Variants in TBC1D8B observed in about 807,000 individuals in gnomAD.
TBC1D8B encodes the protein TBC1 domain family member 8B.
In TBC1D8B, 75 loss-of-function variants were observed where a neutral mutation model predicts 82.9. That is an observed-to-expected ratio of 0.90 (90% CI 0.75 to 1.10). The LOEUF is 1.10. Ranked by LOEUF, TBC1D8B falls within the 50% of genes least tolerant of loss-of-function variation. The pLI is 0.00. For synonymous variants in TBC1D8B, 276 were observed against 276.8 expected (o/e 1.00, Z 0.03); for missense variants, 794 against 796.9 (o/e 1.00, Z 0.04).
intron 10 of TBC1D8B, among the ~76,000 whole-genome samples, chrX:106,845,633 T>C (rs1255621748): frequency 9.0e-6 from 1 of 111,509 alleles, no homozygotes; most frequent in African/African-American, 3.3e-5. Context: ...TAGCTGGAGA[T>C]AAGAGCTTAG....
intron 10 of TBC1D8B, among the ~76,000 whole-genome samples, chrX:106,847,399 A>G (rs1014334961): frequency 1.8e-5 from 2 of 111,926 alleles, no homozygotes; most frequent in African/African-American, 3.2e-5. Flanking sequence ...GCAGAAAAAT[A>G]TATCAACTTG....
chrX:106,818,560 A>G lies in TBC1D8B; in HGVS notation c.131-103A>G, dbSNP rs12009983. 2,300 of 539,957 alleles carry G rather than the reference A, an allele frequency of 4.3e-3. 47 individuals are homozygous for G. The African/African-American group carries it at 0.05, about 12-fold the overall frequency. 44.5% of individuals were successfully genotyped at this position (539,957 alleles called of 1,213,427 possible). On this transcript the variant is annotated intron_variant, in intron 1 of 20. Transcript: ENST00000357242. ...AATCTCTGTAAGGACTCTATGGGCT[A>G]GAAAAGTTTTAAAATAAATTTATTA...
Position 106,836,874 on chromosome X carries a change from A to C in TBC1D8B, c.1204-2434A>C, listed in dbSNP as rs938002291. The stretch of plus-strand genomic sequence containing the variant: ...CAATGTAATATAGTTGAGACTCTAG[A>C]AATACATTCTTACATTTATGGTCAG... On this transcript the variant is annotated intron_variant, in intron 7 of 20. Transcript: ENST00000357242. Among the ~76,000 whole-genome samples, 3 of 111,827 alleles carry C rather than the reference A, an allele frequency of 2.7e-5. No homozygotes were observed. In the Admixed American group the frequency reaches 2.9e-4, roughly 11 times the overall value.
intron 11 of TBC1D8B, 199 bp from the exon 12 acceptor site, chrX:106,849,814 TAAATAACTCTTC>T: frequency 1.0e-5 from 10 of 996,568 alleles, no homozygotes; most frequent in Non-Finnish European, 1.3e-5. Flanking sequence ...AAAGACTCAA[TAAATAACTCTTC>T]AAATGAATTT....
chrX:106,840,973 A>G, intron 10 of TBC1D8B, 89 bp downstream of exon 10: 2 of 814,637 alleles, frequency 2.5e-6, no homozygotes, highest in Non-Finnish European at 3.6e-6. Context: ...TGGCGATTAT[A>G]AGGAAAGAGA....
Position 106,823,263 on chromosome X carries a change from T to C in TBC1D8B, c.624T>C (p.Leu208=). 1 of 1,208,829 alleles carries C rather than the reference T, an allele frequency of 8.3e-7. No homozygotes were observed. Among genetic ancestry groups the C allele is most frequent in the African/African-American group, 1.7e-5 (1 of 57,737 alleles). Residue 208 remains leucine (L), a synonymous_variant, in exon 5 of 21, where the codon CTT becomes CTC. Coordinates refer to ENST00000357242, the MANE Select transcript of TBC1D8B (RefSeq NM_017752.3). ...TCTCCTGGGATGAAGTCTCAAAACTTGAAAAGACTTCAAATGTCATACTGA... is the reference window on the plus strand; with the variant it reads ...TCTCCTGGGATGAAGTCTCAAAACTCGAAAAGACTTCAAATGTCATACTGA... The part of the protein sequence containing the change: ...LIISWDEVSK[L]EKTSNVILTE...
chrX:106,856,466 G>T (rs2147766154), intron 14 of TBC1D8B, among the ~76,000 whole-genome samples: 2 of 110,171 alleles, frequency 1.8e-5, no homozygotes, highest in Admixed American at 1.9e-4. Flanking sequence ...TATAGTACTG[G>T]TATTGCTTTT....
At chrX:106,860,340 G>GGTGTGTGTGTGTGT (rs3078333) in intron 14 of TBC1D8B, among the ~76,000 whole-genome samples, 7 of 82,786 alleles carry the variant, frequency 8.5e-5, no homozygotes, top group Non-Finnish European at 1.4e-4. Flanking sequence ...TTTTATGATT[G>GGTGTGTGTGTGTGT]GTGTGTGTGT....
In TBC1D8B at chrX:106,873,912, G is replaced by T. The variant is rs1932868931; in HGVS notation, c.3310G>T (p.Ala1104Ser). 1 of 1,204,198 alleles carries T rather than the reference G, an allele frequency of 8.3e-7. No homozygotes were observed. The highest frequency in any genetic ancestry group is 3.0e-5 in the East Asian group (1 of 33,791). ...TTTTGAGAAACCCATAGATGTAAAA[G>T]CCAAGCTGGAAAATGCAAGAATTTC... ...RFFEKPIDVK[A>S]KLENARISQL... is the part of the protein sequence containing the mutation. Residue 1104 changes from alanine to serine, a missense_variant, in exon 21 of 21, where the codon GCC (alanine) becomes TCC (serine). By Grantham distance (99) the Ala-to-Ser change is moderately conservative. Transcript: ENST00000357242.
Position 106,823,305 on chromosome X carries a change from G to A in TBC1D8B, c.666G>A (p.Val222=), listed in dbSNP as rs1931747466. The A allele has an allele frequency of 2.5e-6, 3 of 1,210,083 alleles. No individual in the cohort carries two copies. In the East Asian group the frequency reaches 8.9e-5, roughly 36 times the overall value. Residue 222 remains valine, a synonymous_variant, in exon 5 of 21, where the codon GTG becomes GTA. Transcript: ENST00000357242. ...SNVILTESIH[V]CSQGENHYFS... Reference sequence around the variant, plus strand: ...TCATACTGACAGAGAGTATTCACGTGTGTTCCCAAGGAGAGAATCACTACT... The same window carrying A: ...TCATACTGACAGAGAGTATTCACGTATGTTCCCAAGGAGAGAATCACTACT...
chrX:106,848,316 C>CCA lies in TBC1D8B; in HGVS notation c.1837+24_1837+25dup, dbSNP rs1330458625. The CCA allele has an allele frequency of 5.5e-6, 6 of 1,081,204 alleles. No individual in the cohort carries two copies. The highest frequency in any genetic ancestry group is 3.7e-5 in the African/African-American group (2 of 54,725). 89.1% of individuals were successfully genotyped at this position (1,081,204 alleles called of 1,213,427 possible). A position where few individuals can be genotyped will look rare whatever the true frequency, so the allele number is the denominator to read the frequency against. ...CGTCGAATTATTGGTAAAAGAAAAA[C>CCA]CACACACACACATATGCATACACAC... On this transcript the variant is annotated intron_variant, in intron 11 of 20. Transcript: ENST00000357242.
At chrX:106,806,639 G>C (rs1931195320) in intron 1 of TBC1D8B, among the ~76,000 whole-genome samples, 1 of 111,181 alleles carries the variant, frequency 9.0e-6, no homozygotes, top group Non-Finnish European at 1.9e-5. Context: ...TTTTAGTCTT[G>C]AATTTTCCAT....
At chrX:106,871,744 G>T (rs1932849488) in intron 20 of TBC1D8B, among the ~76,000 whole-genome samples, 1 of 112,362 alleles carries the variant, frequency 8.9e-6, no homozygotes, top group Admixed American at 9.4e-5. Flanking sequence ...TCAAGTTGGG[G>T]TTCCCACTAT....
chrX:106,851,566 T>TC (rs1932586284), intron 12 of TBC1D8B, among the ~76,000 whole-genome samples: 1 of 104,882 alleles, frequency 9.5e-6, no homozygotes, highest in African/African-American at 3.5e-5. Context: ...CCCTCTCCCC[T>TC]CCCCCACCCC....
At chrX:106,823,181 C>T in intron 4 of TBC1D8B, 45 bp from the exon 5 acceptor site, 1 of 1,143,897 alleles carries the variant, frequency 8.7e-7, no homozygotes, top group East Asian at 3.0e-5. Flanking sequence ...AAACATAAAT[C>T]ACTATGAAAA....
intron 20 of TBC1D8B, among the ~76,000 whole-genome samples, chrX:106,873,138 C>T (rs1480604522): frequency 9.0e-6 from 1 of 111,612 alleles, no homozygotes; most frequent in African/African-American, 3.3e-5. Flanking sequence ...TCTCTTGTTG[C>T]CCAGGCTGGA....
At chrX:106,820,796 T>G in intron 2 of TBC1D8B, 81 bp from the exon 3 acceptor site, 1 of 658,403 alleles carries the variant, frequency 1.5e-6, no homozygotes, top group Non-Finnish European at 2.4e-6. Context: ...TATTTCTTTT[T>G]AAACTATGCT....
At chrX:106,820,183 G>T (rs189181513) in intron 2 of TBC1D8B, among the ~76,000 whole-genome samples, 9 of 111,192 alleles carry the variant, frequency 8.1e-5, no homozygotes, top group East Asian at 5.6e-4. Flanking sequence ...GATAGGAAGA[G>T]ATTGATAGAT....
In TBC1D8B at chrX:106,816,850, G is replaced by A. The variant is rs935500358; in HGVS notation, c.131-1813G>A. On this transcript the variant is annotated intron_variant, in intron 1 of 20. Coordinates refer to ENST00000357242, the MANE Select transcript of TBC1D8B (RefSeq NM_017752.3). ...AAGCCAAATTTCTCTTTATGTCTTT[G>A]TCTTATCTCCTACTCTTCTAGTTTA... Among the ~76,000 whole-genome samples, 5 of 110,222 alleles carry A rather than the reference G, an allele frequency of 4.5e-5. No homozygotes were observed. The Admixed American group carries it at 4.9e-4, about 11-fold the overall frequency.
Sources: gnomAD v4.1 joint callset for allele counts (sites outside exome capture counted in the v4.1 genomes callset) on GRCh38, gnomAD v4.1.1 for gene constraint, MANE v1.5 for transcripts, NCBI Gene and HGNC (gene_info 2026-07-23, HGNC 2026-07-21) for gene names.